Variants in NBEA observed in about 807,000 individuals in gnomAD.
The protein encoded by NBEA is neurobeachin.
NBEA carries 44 observed loss-of-function variants against 343.4 expected under a neutral mutation model. The observed-to-expected ratio is 0.13, with a 90% CI of 0.10 to 0.16. The LOEUF (loss-of-function observed/expected upper bound fraction) is 0.16. NBEA is among the 10% of genes least tolerant of loss of function. The probability of loss-of-function intolerance (pLI) is 1.00; values close to 1 mark genes in which losing one functional copy is unlikely to be tolerated. For synonymous variants in NBEA, 1,175 were observed against 1,238.7 expected, an observed-to-expected ratio of 0.95 and a Z score of 1.08; for missense variants, 2,555 against 3,631.3, an observed-to-expected ratio of 0.70 and a Z score of 7.62.
intron 38 of NBEA, among the ~76,000 whole-genome samples, chr13:35,373,430 G>A (rs1185447770): frequency 6.6e-6 from 1 of 152,146 alleles, no homozygotes; most frequent in African/African-American, 2.4e-5. Flanking sequence ...TAATGGCCAG[G>A]CACGGTGGCT....
At chr13:35,152,359 A>G (rs553619769) in intron 18 of NBEA, among the ~76,000 whole-genome samples, 1 of 152,160 alleles carries the variant, frequency 6.6e-6, no homozygotes, top group Non-Finnish European at 1.5e-5. Flanking sequence ...CTTTCTATTC[A>G]CAGAAAAAGA....
chr13:35,400,606 A>G (rs2042959938), intron 38 of NBEA, among the ~76,000 whole-genome samples: 1 of 152,062 alleles, frequency 6.6e-6, no homozygotes, highest in African/African-American at 2.4e-5. Context: ...AAATACTTTA[A>G]GCAAGCCTGG....
chr13:35,022,537 G>A (rs1052488220), intron 1 of NBEA, among the ~76,000 whole-genome samples: 14 of 152,044 alleles, frequency 9.2e-5, no homozygotes, highest in African/African-American at 3.4e-4. Context: ...TTATGTTCAT[G>A]TGTAAATTAT....
intron 51 of NBEA, among the ~76,000 whole-genome samples, chr13:35,647,258 T>C (rs1186327512): frequency 3.3e-5 from 5 of 152,242 alleles, no homozygotes; most frequent in African/African-American, 7.2e-5. Flanking sequence ...CACTATTTTT[T>C]TACTGAAGTA....
chr13:34,950,032 CT>C (rs2059301930), intron 1 of NBEA, among the ~76,000 whole-genome samples: 1 of 152,152 alleles, frequency 6.6e-6, no homozygotes, highest in Non-Finnish European at 1.5e-5. Flanking sequence ...AGCATCCATT[CT>C]TTCTGCTGTT....
At chr13:35,406,023 T>G (rs9544265) in intron 38 of NBEA, among the ~76,000 whole-genome samples, 83,091 of 151,806 alleles carry the variant, frequency 0.55, 24,810 homozygotes, top group Middle Eastern at 0.68. Context: ...TCCTGCCCCC[T>G]CCATCTCCAG....
intron 44 of NBEA, among the ~76,000 whole-genome samples, chr13:35,565,782 A>G (rs1334887937): frequency 6.6e-6 from 1 of 152,170 alleles, no homozygotes; most frequent in African/African-American, 2.4e-5. Flanking sequence ...CTGTGCCTCA[A>G]TATCATACCT....
chr13:35,150,933 T>C (rs973275489), intron 18 of NBEA, among the ~76,000 whole-genome samples: 1 of 151,820 alleles, frequency 6.6e-6, no homozygotes, highest in Admixed American at 6.6e-5. Context: ...CTATCCAACA[T>C]GGTGAAACCC....
chr13:35,669,190 T>C (rs1263450077), intron 58 of NBEA, among the ~76,000 whole-genome samples: 1 of 152,298 alleles, frequency 6.6e-6, no homozygotes, highest in Non-Finnish European at 1.5e-5. Context: ...TTTCCTGAAA[T>C]TTACCTTTGG....
intron 1 of NBEA, among the ~76,000 whole-genome samples, chr13:35,013,408 C>T (rs895972253): frequency 6.6e-5 from 10 of 151,678 alleles, no homozygotes; most frequent in African/African-American, 2.2e-4. Context: ...AGATACACTT[C>T]GGACATATTT....
chr13:35,389,485 A>G (rs1011604102), intron 38 of NBEA, among the ~76,000 whole-genome samples: 10 of 152,124 alleles, frequency 6.6e-5, no homozygotes, highest in East Asian at 3.8e-4. Context: ...TGTTAACAAA[A>G]TTTAAAATTC....
At chr13:35,174,045 G>C (rs903562896) in intron 27 of NBEA, among the ~76,000 whole-genome samples, 1 of 151,972 alleles carries the variant, frequency 6.6e-6, no homozygotes. Flanking sequence ...ACTGGCCCTT[G>C]GCGTCACATC....
rs60612475 is a variant in NBEA, at chr13:35,373,707, A to AAATAATAATAATAATAATAAT, written c.6179+21387_6179+21407dup. Among the ~76,000 whole-genome samples, 371 of 149,794 alleles carry AAATAATAATAATAATAATAAT rather than the reference A, an allele frequency of 2.5e-3. 1 individual carries two copies. Among genetic ancestry groups the AAATAATAATAATAATAATAAT allele is most frequent in the South Asian group, 4.9e-3 (23 of 4,686 alleles). Reference sequence around the variant, plus strand: ...GTGACAGAGGGAGACACTGTCTCAAAAATAATAATAATAATAATAATAACA... The same window carrying AAATAATAATAATAATAATAAT: ...GTGACAGAGGGAGACACTGTCTCAAAAATAATAATAATAATAATAATAATAATAATAATAATAATAATAACA... On this transcript the variant is annotated intron_variant, in intron 38 of 58. Transcript: ENST00000379939.
chr13:35,329,537 A>G (rs2038793927), intron 36 of NBEA, among the ~76,000 whole-genome samples: 1 of 152,028 alleles, frequency 6.6e-6, no homozygotes, highest in Admixed American at 6.6e-5. Context: ...TGATACACAC[A>G]ATAACATGTA....
chr13:35,142,771 G>A (rs960710513), intron 18 of NBEA, among the ~76,000 whole-genome samples: 3 of 151,932 alleles, frequency 2.0e-5, no homozygotes, highest in African/African-American at 7.3e-5. Flanking sequence ...GTATTAAGCT[G>A]GAGTTGCTAC....
chr13:35,028,092 A>G (rs2062076883), intron 1 of NBEA, among the ~76,000 whole-genome samples: 1 of 151,970 alleles, frequency 6.6e-6, no homozygotes. Context: ...AAGTCTTAAA[A>G]TTAGAGAGTG....
intron 41 of NBEA, among the ~76,000 whole-genome samples, chr13:35,521,922 G>C (rs1594872112): frequency 6.6e-6 from 1 of 152,154 alleles, no homozygotes; most frequent in East Asian, 1.9e-4. Flanking sequence ...TATTCAGAAA[G>C]AAGAATGCGC....
intron 44 of NBEA, among the ~76,000 whole-genome samples, chr13:35,561,745 A>G (rs934261023): frequency 6.6e-6 from 1 of 152,126 alleles, no homozygotes; most frequent in Non-Finnish European, 1.5e-5. Context: ...TGGTATGTGT[A>G]CATGTGCATA....
rs73489519 is a variant in NBEA at position 35,246,659 on chromosome 13, G to A, written c.5776+14040G>A. ...AACCATCTTCAGTTCTCTCAGTCGT[G>A]GATACCAGCACCTGCTCCAATGAAG... On this transcript the variant is annotated intron_variant, in intron 34 of 58. Transcript: ENST00000379939. Among the ~76,000 whole-genome samples, 972 of 152,250 alleles carry A rather than the reference G, an allele frequency of 6.4e-3. 10 individuals are homozygous for A. Among genetic ancestry groups the A allele is most frequent in the African/African-American group, 0.022 (931 of 41,542 alleles).
Sources: allele counts gnomAD v4.1 joint callset (sites outside exome capture counted in the v4.1 genomes callset), GRCh38; gene constraint gnomAD v4.1.1; transcripts MANE v1.5; gene names NCBI Gene and HGNC (gene_info 2026-07-23, HGNC 2026-07-21).